Variants in LARGE1 observed in about 807,000 individuals in gnomAD.
The protein encoded by LARGE1 is xylosyl- and glucuronyltransferase LARGE1.
LARGE1 carries 43 observed loss-of-function variants against 87.6 expected under a neutral mutation model. That is an observed-to-expected ratio of 0.49 (90% confidence interval 0.38 to 0.63). The LOEUF (loss-of-function observed/expected upper bound fraction) is 0.63. Ranked by LOEUF, LARGE1 falls within the 30% of genes least tolerant of loss-of-function variation. LARGE1 has a pLI of 0.00. For synonymous variants in LARGE1, 434 were observed against 394.6 expected (o/e 1.10, Z -1.18); for missense variants, 802 against 1,000.2 (o/e 0.80, Z 2.67).
intron 1 of LARGE1, among the ~76,000 whole-genome samples, chr22:33,803,668 G>A (rs889383866): frequency 6.6e-6 from 1 of 152,184 alleles, no homozygotes; most frequent in African/African-American, 2.4e-5. Context: ...CCAGGCTCAA[G>A]CTTCAAGAGT....
chr22:33,502,353 G>C (rs765071869), intron 6 of LARGE1, among the ~76,000 whole-genome samples: 1 of 152,128 alleles, frequency 6.6e-6, no homozygotes, highest in Non-Finnish European at 1.5e-5. Context: ...GTTCCAGTAC[G>C]AAGGAAGAGC....
intron 11 of LARGE1, among the ~76,000 whole-genome samples, chr22:33,224,020 G>A (rs370433292): frequency 1.3e-5 from 2 of 152,180 alleles, no homozygotes; most frequent in Admixed American, 6.5e-5. Context: ...CAGGATGGGC[G>A]CGGTGGCTCA....
intron 2 of LARGE1, among the ~76,000 whole-genome samples, chr22:33,700,681 C>T (rs953358487): frequency 1.3e-5 from 2 of 151,916 alleles, no homozygotes; most frequent in East Asian, 1.9e-4. Flanking sequence ...GGCCTGGAGG[C>T]GGTGTCTGAG....
chr22:33,537,743 T>G (rs2077082921), intron 6 of LARGE1, among the ~76,000 whole-genome samples: 1 of 152,062 alleles, frequency 6.6e-6, no homozygotes, highest in South Asian at 2.1e-4. Context: ...AATTTTTTTT[T>G]GGATTTTTTA....
chr22:33,873,538 C>T (rs5754732), intron 1 of LARGE1: 20,059 of 152,220 alleles, frequency 0.13, 1,820 homozygotes, highest in East Asian at 0.33. Context: ...TGGCACTCAG[C>T]GTGCTCGTCT....
At chr22:33,312,350 G>A (rs1180804787) in intron 11 of LARGE1, among the ~76,000 whole-genome samples, 3 of 149,578 alleles carry the variant, frequency 2.0e-5, no homozygotes, top group Admixed American at 1.3e-4. Context: ...TGAGGCGGGA[G>A]AATCGCTCGA....
intron 5 of LARGE1, among the ~76,000 whole-genome samples, chr22:33,599,228 A>G (rs2079054478): frequency 6.6e-6 from 1 of 152,228 alleles, no homozygotes; most frequent in African/African-American, 2.4e-5. Flanking sequence ...TTAGCAGTCT[A>G]ATCTTAAGCA....
chr22:33,098,720 CCT>C, the LARGE1 span, among the ~76,000 whole-genome samples: 1 of 152,166 alleles, frequency 6.6e-6, no homozygotes, highest in Non-Finnish European at 1.5e-5. Context: ...CAGAAAGAAA[CCT>C]TCCTAGAGCT....
At chr22:33,391,765 CTTTTT>C (rs1034572374) in intron 7 of LARGE1, among the ~76,000 whole-genome samples, 16 of 63,852 alleles carry the variant, frequency 2.5e-4, no homozygotes, top group African/African-American at 1.6e-3. Flanking sequence ...TTCCTTTTTC[CTTTTT>C]TTTTTTTTTT....
At chr22:33,308,275 G>A (rs1005380015) in intron 11 of LARGE1, among the ~76,000 whole-genome samples, 2 of 152,140 alleles carry the variant, frequency 1.3e-5, no homozygotes, top group Non-Finnish European at 2.9e-5. Context: ...CTGCTGGGAT[G>A]GGGAACTCAC....
At chr22:33,507,601 C>A (rs2070827001) in intron 6 of LARGE1, among the ~76,000 whole-genome samples, 1 of 152,124 alleles carries the variant, frequency 6.6e-6, no homozygotes, top group Non-Finnish European at 1.5e-5. Context: ...AGCTTCAGTT[C>A]AGGATGATGA....
chr22:33,901,430 T>A (rs1320358073), intron 1 of LARGE1, among the ~76,000 whole-genome samples: 4 of 152,160 alleles, frequency 2.6e-5, no homozygotes, highest in South Asian at 4.1e-4. Flanking sequence ...AGCATGGAAA[T>A]AACAATAAAC....
chr22:33,256,248 G>A (rs1356524356), intron 11 of LARGE1, among the ~76,000 whole-genome samples: 2 of 152,244 alleles, frequency 1.3e-5, no homozygotes, highest in South Asian at 2.1e-4. Flanking sequence ...CATGGTATGA[G>A]TACCATCTAT....
At chr22:33,836,632 G>A (rs915951187) in intron 1 of LARGE1, among the ~76,000 whole-genome samples, 8 of 152,080 alleles carry the variant, frequency 5.3e-5, no homozygotes, top group African/African-American at 1.7e-4. Flanking sequence ...GGCTTCGAGT[G>A]GCAGCCCAAG....
intron 1 of LARGE1, among the ~76,000 whole-genome samples, chr22:33,885,756 C>T (rs2146791897): frequency 6.6e-6 from 1 of 152,234 alleles, no homozygotes; most frequent in Non-Finnish European, 1.5e-5. Flanking sequence ...TGTGGCCGGG[C>T]GTGGTGACTC....
intron 6 of LARGE1, among the ~76,000 whole-genome samples, chr22:33,502,874 T>C (rs989080467): frequency 6.6e-6 from 1 of 151,004 alleles, no homozygotes; most frequent in Non-Finnish European, 1.5e-5. Flanking sequence ...GCACAAGTGC[T>C]GGGTGAATGA....
At chr22:33,477,939 G>A (rs1018141613) in intron 6 of LARGE1, among the ~76,000 whole-genome samples, 1 of 152,116 alleles carries the variant, frequency 6.6e-6, no homozygotes, top group Non-Finnish European at 1.5e-5. Flanking sequence ...ATCTCTATTT[G>A]CATCTGAGTC....
At chr22:33,084,080 T>A in the LARGE1 span, among the ~76,000 whole-genome samples, 1 of 152,156 alleles carries the variant, frequency 6.6e-6, no homozygotes, top group Non-Finnish European at 1.5e-5. Flanking sequence ...TATAGCCCAT[T>A]GTTGAAAATG....
chr22:33,271,867 AC>A (rs1181163703), downstream of LARGE1, among the ~76,000 whole-genome samples: 3 of 152,200 alleles, frequency 2.0e-5, no homozygotes, highest in African/African-American at 7.2e-5. Context: ...AGTGTAAGGC[AC>A]CTGTCTTTGG....
Sources: allele counts gnomAD v4.1 joint callset (sites outside exome capture counted in the v4.1 genomes callset), GRCh38; gene constraint gnomAD v4.1.1; transcripts MANE v1.5; gene names NCBI Gene and HGNC (gene_info 2026-07-23, HGNC 2026-07-21).